Variants in PPFIA2 observed in about 807,000 individuals in gnomAD.
PPFIA2 encodes PPFI scaffold protein A2.
In PPFIA2, 46 loss-of-function variants were observed where a neutral mutation model predicts 175.5. The observed-to-expected ratio is 0.26, with a 90% CI of 0.21 to 0.34. PPFIA2 has a LOEUF of 0.34. Ranked by LOEUF, PPFIA2 falls within the 10% of genes least tolerant of loss-of-function variation. The pLI, the probability that PPFIA2 is intolerant of heterozygous loss-of-function variation, is 1.00. For synonymous variants in PPFIA2, 568 were observed against 511.4 expected (o/e 1.11, Z -1.49); for missense variants, 1,179 against 1,506.1 (o/e 0.78, Z 3.60).
At chr12:81,534,553 T>C (rs2065107151) in intron 4 of PPFIA2, among the ~76,000 whole-genome samples, 1 of 151,742 alleles carries the variant, frequency 6.6e-6, no homozygotes, top group Non-Finnish European at 1.5e-5. Flanking sequence ...CTTTTCATTC[T>C]TTTAAAAAAG....
rs1187105752 is a variant in PPFIA2, at chr12:81,320,664, C to T, written c.2642+5113G>A. Among the ~76,000 whole-genome samples, 13 of 151,866 alleles carry T rather than the reference C, an allele frequency of 8.6e-5. No individual in the cohort carries two copies. The East Asian group carries it at 1.9e-3, about 23-fold the overall frequency. On this transcript the variant is annotated intron_variant, in intron 22 of 32. Transcript: ENST00000549396. ...TTACTAAAAAAATTATATAATGTTA[C>T]GAGGCAAGAGAAAACATTAGCAGAT...
At chr12:81,375,624 T>A in intron 10 of PPFIA2, 172 bp downstream of exon 10, 1 of 682,754 alleles carries the variant, frequency 1.5e-6, no homozygotes. Flanking sequence ...AATTTATCTT[T>A]CTGGAAAGTA....
chr12:81,677,837 C>T (rs1196085067), intron 3 of PPFIA2, among the ~76,000 whole-genome samples: 1 of 151,822 alleles, frequency 6.6e-6, no homozygotes, highest in African/African-American at 2.4e-5. Flanking sequence ...GCTGTAGAGG[C>T]TGTGACCTGT....
At chr12:81,526,089 AG>A (rs2063705037) in intron 4 of PPFIA2, among the ~76,000 whole-genome samples, 1 of 152,158 alleles carries the variant, frequency 6.6e-6, no homozygotes, top group South Asian at 2.1e-4. Flanking sequence ...ATATTAGACT[AG>A]GTATTTAGCC....
At chr12:81,418,179 G>C (rs917158741) in intron 7 of PPFIA2, among the ~76,000 whole-genome samples, 2 of 151,842 alleles carry the variant, frequency 1.3e-5, no homozygotes, top group African/African-American at 4.8e-5. Flanking sequence ...GAGAAAGTAA[G>C]TTTCACTTGG....
chr12:81,698,626 G>C (rs2076147020), intron 3 of PPFIA2, among the ~76,000 whole-genome samples: 1 of 152,116 alleles, frequency 6.6e-6, no homozygotes, highest in Non-Finnish European at 1.5e-5. Context: ...TAAATATTTT[G>C]TTTATCATTT....
rs896822508 is a variant in PPFIA2, at chr12:81,369,329, A to G, written c.1267-135T>C. ...GTTTTTAAAAAATAAACTTTCTTCA[A>G]ACAGGCAGCTGAACAGCATTGCTTG... On this transcript the variant is annotated intron_variant, in intron 11 of 32. Coordinates refer to ENST00000549396, the MANE Select transcript of PPFIA2 (RefSeq NM_003625.5). 1.4e-5 allele frequency: 21 copies of G among 1,505,100 alleles called. No homozygotes were observed. In the East Asian group the frequency reaches 2.0e-4, roughly 15 times the overall value. 93.2% of individuals were successfully genotyped at this position (1,505,100 alleles called of 1,614,324 possible).
chr12:81,704,340 A>T (rs116609371), intron 3 of PPFIA2, among the ~76,000 whole-genome samples: 2 of 152,272 alleles, frequency 1.3e-5, no homozygotes, highest in African/African-American at 4.8e-5. Context: ...TGTGCCCAAA[A>T]TACTGCCTGG....
chr12:81,465,567 G>A (rs572233878), intron 4 of PPFIA2, among the ~76,000 whole-genome samples: 35 of 152,072 alleles, frequency 2.3e-4, no homozygotes, highest in Middle Eastern at 3.4e-3. Flanking sequence ...TTCCTCCTTT[G>A]AACTTTAATA....
At chr12:81,582,163 T>A (rs901253658) in intron 4 of PPFIA2, among the ~76,000 whole-genome samples, 1 of 151,842 alleles carries the variant, frequency 6.6e-6, no homozygotes, top group African/African-American at 2.4e-5. Context: ...AATTGAAACA[T>A]CTTGTTTACA....
intron 5 of PPFIA2, among the ~76,000 whole-genome samples, chr12:81,453,320 GA>G (rs200527831): frequency 0.014 from 2,188 of 151,990 alleles, 47 homozygotes; most frequent in African/African-American, 0.042. Flanking sequence ...AAAAATAGTT[GA>G]AACAACTCCG....
Position 81,341,208 on chromosome 12 carries a change from T to A in PPFIA2, c.2263A>T (p.Ile755Phe). Residue 755 changes from isoleucine to phenylalanine, a missense_variant and splice_region_variant, in exon 20 of 33, where the codon ATT becomes TTT. Transcript: ENST00000549396. ...PSDLRKHRRKIAVVEEDGRED... is the reference protein window; with the variant it reads ...PSDLRKHRRKFAVVEEDGRED... ...CGACCATCTTCTTCCACAACTGCAATCTAGAAGCAAAAACAATACATTCAA... is the reference window on the plus strand; with the variant it reads ...CGACCATCTTCTTCCACAACTGCAAACTAGAAGCAAAAACAATACATTCAA... The A allele has an allele frequency of 1.2e-6, 2 of 1,610,192 alleles. No individual in the cohort carries two copies.
chr12:81,379,182 T>C (rs2037073028), intron 9 of PPFIA2, among the ~76,000 whole-genome samples: 1 of 152,150 alleles, frequency 6.6e-6, no homozygotes. Context: ...GTCAGAGAAA[T>C]AGCTTTTCCC....
At chr12:81,445,763 G>A in intron 5 of PPFIA2, 43 bp from the exon 6 acceptor site, 1 of 1,552,432 alleles carries the variant, frequency 6.4e-7, no homozygotes, top group Non-Finnish European at 8.8e-7. Flanking sequence ...ATGAATACAA[G>A]TCATAAATAC....
intron 4 of PPFIA2, among the ~76,000 whole-genome samples, chr12:81,650,760 G>C (rs979713351): frequency 1.3e-5 from 2 of 152,194 alleles, no homozygotes; most frequent in Non-Finnish European, 2.9e-5. Flanking sequence ...CCTGAAGCCA[G>C]AGATTTTAGA....
intron 26 of PPFIA2, 98 bp from the exon 27 acceptor site, chr12:81,281,548 G>T: frequency 1.2e-6 from 1 of 802,658 alleles, no homozygotes; most frequent in African/African-American, 1.8e-5. Flanking sequence ...TAATTACTAT[G>T]ATATGTGGAA....
intron 19 of PPFIA2, among the ~76,000 whole-genome samples, chr12:81,343,362 G>A (rs2058485924): frequency 6.6e-6 from 1 of 151,976 alleles, no homozygotes; most frequent in Non-Finnish European, 1.5e-5. Flanking sequence ...GGTGATGGAG[G>A]TCAAAGAAAA....
chr12:81,520,900 AG>A (rs144422797), intron 4 of PPFIA2, among the ~76,000 whole-genome samples: 39 of 152,300 alleles, frequency 2.6e-4, no homozygotes, highest in African/African-American at 9.4e-4. Flanking sequence ...GCCCAGGAAG[AG>A]GGTTTGTTCC....
At chr12:81,625,297 A>G (rs2062569774) in intron 4 of PPFIA2, among the ~76,000 whole-genome samples, 1 of 151,840 alleles carries the variant, frequency 6.6e-6, no homozygotes, top group Admixed American at 6.6e-5. Flanking sequence ...TGGGGTCATG[A>G]TCAGGGCCTA....
Sources: gnomAD v4.1 joint callset for allele counts (sites outside exome capture counted in the v4.1 genomes callset) on GRCh38, gnomAD v4.1.1 for gene constraint, MANE v1.5 for transcripts, NCBI Gene and HGNC (gene_info 2026-07-23, HGNC 2026-07-21) for gene names.